The following PSMB5 variants were observed in gnomAD, a reference collection of about 807,000 sequenced individuals.
PSMB5 encodes the protein proteasome subunit beta type-5.
In PSMB5, 2 loss-of-function variants were observed where a neutral mutation model predicts 22.8. That is an observed-to-expected ratio of 0.09 (90% CI 0.04 to 0.28). The LOEUF is 0.28. PSMB5 is among the 10% of genes least tolerant of loss of function. PSMB5 has a pLI of 1.00. For synonymous variants in PSMB5, 133 were observed against 135.3 expected (o/e 0.98, Z 0.12); for missense variants, 269 against 343.8 (o/e 0.78, Z 1.72).
intron 2 of PSMB5, chr14:23,027,750 C>T (rs1241777108): frequency 6.5e-7 from 1 of 1,545,384 alleles, no homozygotes; most frequent in Admixed American, 2.0e-5. Context: ...ACTACCTTGC[C>T]ATGTTGCCGA....
chr14:23,034,855 T>C lies in PSMB5; in HGVS notation c.27A>G (p.Arg9=), dbSNP rs779059273. The change falls in exon 1 of 3, where the codon AGA becomes AGG. Residue 9 remains arginine (R), a synonymous_variant. Transcript: ENST00000361611. ...ACCCGCGCTGGTTCACCGGTAGCGG[T>C]CTCTCCAACACGCTGGCAAGCGCCA... The part of the protein sequence containing the change: MALASVLE[R]PLPVNQRGFF... The C allele has an allele frequency of 1.2e-6, 2 of 1,613,986 alleles. No homozygotes were observed. The highest frequency in any genetic ancestry group is 1.3e-5 in the African/African-American group (1 of 74,900).
intron 1 of PSMB5, chr14:23,034,475 C>A: frequency 3.4e-6 from 2 of 594,488 alleles, no homozygotes; most frequent in South Asian, 2.1e-5. Flanking sequence ...CCCCGACTTA[C>A]CCCCGGCCCC....
At chr14:23,035,021 A>G (rs533180456), upstream of PSMB5, 32 of 1,426,282 alleles carry the variant, frequency 2.2e-5, no homozygotes, top group South Asian at 4.5e-4. Context: ...CACGCCTCCA[A>G]AAAGAAGAGC....
At chr14:23,028,144 A>T (rs2046929617) in intron 2 of PSMB5, among the ~76,000 whole-genome samples, 1 of 121,894 alleles carries the variant, frequency 8.2e-6, no homozygotes, top group Non-Finnish European at 1.6e-5. Context: ...ACTCTGTCTC[A>T]AAAAACAAAC....
In PSMB5 at chr14:23,034,888, T is replaced by C. The variant is rs774102865; in HGVS notation, c.-7A>G. ...ACACGCTGGCAAGCGCCATGTCTAG[T>C]GTGGGCAGAAAGAACTAATTCTGAG... On this transcript the variant is annotated 5_prime_UTR_variant, in exon 1 of 3. Coordinates refer to ENST00000361611, the MANE Select transcript of PSMB5 (RefSeq NM_002797.5). The C allele has an allele frequency of 6.8e-6, 11 of 1,613,122 alleles. No individual in the cohort carries two copies. The highest frequency in any genetic ancestry group is 1.3e-5 in the African/African-American group (1 of 74,864).
rs2139922217 is a variant in PSMB5 at position 23,033,547 on chromosome 14, G to A, written c.326C>T (p.Ala109Val). The change falls in exon 2 of 3, where the codon GCG (alanine) becomes GTG (valine). Residue 109 changes from alanine (A) to valine (V), a missense_variant. By Grantham distance (64) the Ala-to-Val change is moderately conservative. This residue lies in a region of PSMB5 where 75 missense variants were observed against 143.2 expected (regional missense o/e 0.52). Coordinates refer to ENST00000361611, the MANE Select transcript of PSMB5 (RefSeq NM_002797.5). ...YLLGTMAGGA[A>V]DCSFWERLLA... ...CAGCCGTTCCCAGAAGCTGCAATCC[G>A]CTGCGCCCCCAGCCATGGTGCCTAG... is the stretch of plus-strand genomic sequence containing the variant. 2 of 1,614,092 alleles carry A rather than the reference G, an allele frequency of 1.2e-6. No individual in the cohort carries two copies. Among genetic ancestry groups the A allele is most frequent in the Non-Finnish European group, 1.7e-6 (2 of 1,180,010 alleles).
At position 23,026,386 on chromosome 14, in the gene PSMB5, A is replaced by G. The variant is rs2139910692; in HGVS notation, c.506-11T>C. 6.2e-7 allele frequency: 1 copy of G among 1,608,254 alleles called. No individual in the cohort carries two copies. Among genetic ancestry groups the G allele is most frequent in the Non-Finnish European group, 8.5e-7 (1 of 1,177,012 alleles). ...CCACGTAGTAGAGGCCTGGAAAGGG[A>G]GATGAGGTTAGCAGGAAAAAAAAAA... On this transcript the variant is annotated splice_polypyrimidine_tract_variant and intron_variant, in intron 2 of 2. Coordinates refer to ENST00000361611, the MANE Select transcript of PSMB5 (RefSeq NM_002797.5).
chr14:23,027,939 T>G (rs1594712151), intron 2 of PSMB5: 1 of 648,316 alleles, frequency 1.5e-6, no homozygotes, highest in South Asian at 1.6e-5. Context: ...AGGTCAGGAG[T>G]TCAAGACAAG....
At chr14:23,027,645 C>A in intron 2 of PSMB5, 3 of 822,922 alleles carry the variant, frequency 3.6e-6, no homozygotes, top group Non-Finnish European at 5.6e-6. Context: ...GAGATGCTGT[C>A]TTCAGGAAAA....
At position 23,034,671 on chromosome 14, in the gene PSMB5, G is replaced by A. The variant is rs2139924156; in HGVS notation, c.198+13C>T. ...GTTCAGTACTCAGCCTGGCAAGGGGGCTGGCTCCACACCTTGAAGGCCAGG... is the reference window on the plus strand; with the variant it reads ...GTTCAGTACTCAGCCTGGCAAGGGGACTGGCTCCACACCTTGAAGGCCAGG... On this transcript the variant is annotated intron_variant, in intron 1 of 2. Transcript: ENST00000361611. 1 of 1,613,480 alleles carries A rather than the reference G, an allele frequency of 6.2e-7. No individual in the cohort carries two copies. Among genetic ancestry groups the A allele is most frequent in the Non-Finnish European group, 8.5e-7 (1 of 1,179,774 alleles).
rs1349609813 is a variant in PSMB5, at chr14:23,034,807, T to C, written c.75A>G (p.Ala25=). Reference sequence around the variant, plus strand: ...TCCCTGGACCTAGATCCAGCAGATCTGCACGACCCCCAAGTCCGAAAAACC... The same window carrying C: ...TCCCTGGACCTAGATCCAGCAGATCCGCACGACCCCCAAGTCCGAAAAACC... ...QRGFFGLGGR[A]DLLDLGPGSL... is the part of the protein sequence containing the mutation. Residue 25 remains alanine (A), a synonymous_variant, in exon 1 of 3, where the codon GCA becomes GCG. Transcript: ENST00000361611. 1.9e-6 allele frequency: 3 copies of C among 1,614,226 alleles called. No homozygotes were observed. The highest frequency in any genetic ancestry group is 2.2e-5 in the South Asian group (2 of 91,086).
chr14:23,033,321 T>G, intron 2 of PSMB5, 47 bp downstream of exon 2: 3 of 1,572,746 alleles, frequency 1.9e-6, no homozygotes, highest in Middle Eastern at 2.2e-4. Context: ...CAACCCCTCC[T>G]CACTGTAGTG....
rs760931315 is a variant in PSMB5 at position 23,026,383 on chromosome 14, G to C, written c.506-8C>G. On this transcript the variant is annotated splice_region_variant and splice_polypyrimidine_tract_variant and intron_variant, in intron 2 of 2. Coordinates refer to ENST00000361611, the MANE Select transcript of PSMB5 (RefSeq NM_002797.5). ...TGTCCACGTAGTAGAGGCCTGGAAA[G>C]GGAGATGAGGTTAGCAGGAAAAAAA... is the stretch of plus-strand genomic sequence containing the variant. The C allele has an allele frequency of 3.1e-6, 5 of 1,609,082 alleles. No individual in the cohort carries two copies. In the African/African-American group the frequency reaches 5.4e-5, roughly 17 times the overall value.
intron 1 of PSMB5, among the ~76,000 whole-genome samples, 163 bp from the exon 2 acceptor site, chr14:23,033,837 C>A (rs894612329): frequency 1.3e-5 from 2 of 152,222 alleles, no homozygotes; most frequent in African/African-American, 4.8e-5. Flanking sequence ...GTCACCCGAG[C>A]TTCACATCAA....
At chr14:23,030,484 G>A (rs1357381552) in intron 2 of PSMB5, among the ~76,000 whole-genome samples, 3 of 150,562 alleles carry the variant, frequency 2.0e-5, no homozygotes, top group Admixed American at 6.6e-5. Flanking sequence ...GCGAGACTCC[G>A]TCTCAATAAA....
chr14:23,027,218 T>C (rs1446194325), intron 2 of PSMB5, among the ~76,000 whole-genome samples: 7 of 150,080 alleles, frequency 4.7e-5, no homozygotes, highest in African/African-American at 1.7e-4. Context: ...CCGTCTCTAC[T>C]AAAAAACAAA....
intron 2 of PSMB5, among the ~76,000 whole-genome samples, chr14:23,032,605 GT>G (rs143440181): frequency 1.7e-4 from 25 of 145,536 alleles, no homozygotes; most frequent in Middle Eastern, 3.3e-3. Context: ...TCTTTTTTTT[GT>G]TTTTTTTTTT....
Position 23,033,249 on chromosome 14 carries a change from G to A in PSMB5, c.505+119C>T. 25 of 1,058,572 alleles carry A rather than the reference G, an allele frequency of 2.4e-5. No individual in the cohort carries two copies. The South Asian group carries it at 3.9e-4, about 17-fold the overall frequency. The allele number at this position is 1,058,572 out of a possible 1,614,324, so 65.6% of individuals were successfully genotyped here. On this transcript the variant is annotated intron_variant, in intron 2 of 2. Transcript: ENST00000361611. ...GAAAAAAAAAAAGAGAGAAGGAAGG[G>A]CTAAGGACCTAATTACACTTCTTCA...
chr14:23,028,656 C>T (rs1004870674), intron 2 of PSMB5, among the ~76,000 whole-genome samples: 5 of 152,148 alleles, frequency 3.3e-5, no homozygotes, highest in Non-Finnish European at 7.3e-5. Flanking sequence ...GGAACAGAGC[C>T]ACTGTTTCCA....
Sources: gnomAD v4.1 joint callset for allele counts (sites outside exome capture counted in the v4.1 genomes callset) on GRCh38, gnomAD v4.1.1 for gene constraint, gnomAD v4.1.1 regional missense constraint, MANE v1.5 for transcripts, NCBI Gene and HGNC (gene_info 2026-07-23, HGNC 2026-07-21) for gene names.